The following RYR3 variants were observed in gnomAD, a reference collection of about 807,000 sequenced individuals.
RYR3 encodes the protein brain ryanodine receptor-calcium release channel.
RYR3 carries 207 observed loss-of-function variants against 584.3 expected under a neutral mutation model. The ratio of observed to expected loss-of-function variants is 0.35; its 90% confidence interval spans 0.32 to 0.40. RYR3 has a LOEUF of 0.40. Among genes scored for constraint, RYR3 ranks in the 10% least tolerant of loss-of-function variants. The pLI is 1.00. For missense variants in RYR3, 5,616 were observed against 6,089.2 expected, an observed-to-expected ratio of 0.92 and a Z score of 2.59; for synonymous variants, 2,416 against 2,248.5, an observed-to-expected ratio of 1.07 and a Z score of -2.11.
Position 33,563,004 on chromosome 15 carries a change from A to C in RYR3, c.1140A>C (p.Lys380Asn). 6.2e-7 allele frequency: 1 copy of C among 1,608,478 alleles called. No individual in the cohort carries two copies. The highest frequency in any genetic ancestry group is 1.3e-5 in the African/African-American group (1 of 74,800). ...AAACTTCCCGCCTGGGACCTCTAAA[A>C]AGAAAGGTGAGAGTCAGAATATCTG... Reference protein sequence around the residue: ...DAKTSRLGPLKRKVILHQEGH... With the variant: ...DAKTSRLGPLNRKVILHQEGH... The change falls in exon 11 of 104, where the codon AAA becomes AAC. Residue 380 changes from lysine (K) to asparagine (N), a missense_variant. Physicochemically the swap from Lys to Asn is moderately conservative, Grantham distance 94 (BLOSUM62 0). Coordinates refer to ENST00000634891, the MANE Select transcript of RYR3 (RefSeq NM_001036.6).
intron 2 of RYR3, among the ~76,000 whole-genome samples, chr15:33,493,091 A>T (rs2051110971): frequency 6.6e-6 from 1 of 152,124 alleles, no homozygotes; most frequent in African/African-American, 2.4e-5. Context: ...AAAATTTGAG[A>T]CAAAAACCTG....
chr15:33,682,589 T>C (rs1158366170), intron 38 of RYR3, among the ~76,000 whole-genome samples: 1 of 152,220 alleles, frequency 6.6e-6, no homozygotes, highest in Non-Finnish European at 1.5e-5. Context: ...TTTATAATTA[T>C]CAAGGAAACC....
At chr15:33,349,745 T>TC (rs1387145887) in intron 1 of RYR3, among the ~76,000 whole-genome samples, 1 of 54,512 alleles carries the variant, frequency 1.8e-5, no homozygotes. Context: ...CCCTCCCCCC[T>TC]CCCCCCACCC....
intron 3 of RYR3, among the ~76,000 whole-genome samples, chr15:33,505,911 C>T (rs2052445188): frequency 6.6e-6 from 1 of 152,162 alleles, no homozygotes; most frequent in Non-Finnish European, 1.5e-5. Context: ...AAACTAGACC[C>T]AGCCTACCAT....
At chr15:33,551,204 G>A (rs1428398837) in intron 10 of RYR3, among the ~76,000 whole-genome samples, 1 of 152,212 alleles carries the variant, frequency 6.6e-6, no homozygotes, top group Non-Finnish European at 1.5e-5. Context: ...GAAGGGCTCT[G>A]CACAGATGCT....
intron 3 of RYR3, among the ~76,000 whole-genome samples, chr15:33,519,735 A>C (rs1197813290): frequency 6.6e-6 from 1 of 152,130 alleles, no homozygotes; most frequent in Non-Finnish European, 1.5e-5. Flanking sequence ...GAGGTTCAGA[A>C]GAATGATGTC....
chr15:33,576,639 A>G (rs2152506604), intron 12 of RYR3, among the ~76,000 whole-genome samples: 1 of 152,366 alleles, frequency 6.6e-6, no homozygotes, highest in South Asian at 2.1e-4. Context: ...GCCATTTATG[A>G]CAAACCCACA....
intron 60 of RYR3, among the ~76,000 whole-genome samples, chr15:33,759,295 T>A (rs1030109250): frequency 1.3e-5 from 2 of 151,718 alleles, no homozygotes; most frequent in Non-Finnish European, 2.9e-5. Context: ...AGAGAATGAG[T>A]TTGACAAATT....
At chr15:33,602,733 C>CTTTTTTTTT (rs10578832) in intron 17 of RYR3, among the ~76,000 whole-genome samples, 1 of 75,200 alleles carries the variant, frequency 1.3e-5, no homozygotes, top group Non-Finnish European at 2.3e-5. Context: ...TTTTTCTAGT[C>CTTTTTTTTT]TTTTTTTTTT....
intron 2 of RYR3, among the ~76,000 whole-genome samples, chr15:33,486,708 G>T (rs1020997981): frequency 6.6e-6 from 1 of 152,180 alleles, no homozygotes; most frequent in African/African-American, 2.4e-5. Context: ...AGAGTTAACA[G>T]TTTGTAGAAG....
chr15:33,629,876 GT>G, intron 21 of RYR3, 63 bp from the exon 22 acceptor site: 1 of 853,990 alleles, frequency 1.2e-6, no homozygotes, highest in Non-Finnish European at 1.9e-6. Flanking sequence ...GTTCTGTTCT[GT>G]TTTCCCATGC....
intron 3 of RYR3, among the ~76,000 whole-genome samples, chr15:33,527,539 G>A (rs2054495375): frequency 6.7e-6 from 1 of 148,518 alleles, no homozygotes; most frequent in Non-Finnish European, 1.5e-5. Context: ...AGCCGAGATT[G>A]CACCACTGCA....
At chr15:33,862,487 G>A (rs573207715) in intron 102 of RYR3, among the ~76,000 whole-genome samples, 7 of 152,312 alleles carry the variant, frequency 4.6e-5, no homozygotes, top group Non-Finnish European at 8.8e-5. Context: ...GATTACGGGT[G>A]TGAGCCACTG....
chr15:33,475,619 T>A (rs769477311), intron 2 of RYR3, among the ~76,000 whole-genome samples: 43 of 152,174 alleles, frequency 2.8e-4, no homozygotes, highest in Non-Finnish European at 5.4e-4. Flanking sequence ...GCCCCAGGGG[T>A]TGGGGACCCT....
intron 43 of RYR3, among the ~76,000 whole-genome samples, chr15:33,717,003 C>T (rs980895801): frequency 6.6e-6 from 1 of 152,180 alleles, no homozygotes; most frequent in Non-Finnish European, 1.5e-5. Context: ...CACCTTCTGA[C>T]TTCAGGTTTC....
intron 1 of RYR3, among the ~76,000 whole-genome samples, chr15:33,376,144 C>T (rs1334522494): frequency 6.6e-6 from 1 of 152,168 alleles, no homozygotes; most frequent in Non-Finnish European, 1.5e-5. Context: ...CTCCCCGCCC[C>T]AGAGACGACC....
At chr15:33,432,138 G>T (rs1305576497) in intron 1 of RYR3, among the ~76,000 whole-genome samples, 1 of 152,148 alleles carries the variant, frequency 6.6e-6, no homozygotes, top group African/African-American at 2.4e-5. Context: ...AAATAAATAT[G>T]TGTTCCCCTC....
chr15:33,370,672 G>A (rs2040267717), intron 1 of RYR3, among the ~76,000 whole-genome samples: 1 of 152,190 alleles, frequency 6.6e-6, no homozygotes, highest in African/African-American at 2.4e-5. Context: ...GGCAGCTTTG[G>A]TGCAAGACAA....
intron 1 of RYR3, among the ~76,000 whole-genome samples, chr15:33,347,748 T>C (rs537311324): frequency 6.6e-6 from 1 of 152,128 alleles, no homozygotes; most frequent in Non-Finnish European, 1.5e-5. Flanking sequence ...TGCCCCTTTG[T>C]CATAGCCCAT....
Sources: gnomAD v4.1 joint callset for allele counts (sites outside exome capture counted in the v4.1 genomes callset) on GRCh38, gnomAD v4.1.1 for gene constraint, MANE v1.5 for transcripts, NCBI Gene and HGNC (gene_info 2026-07-23, HGNC 2026-07-21) for gene names.